The following RPL26L1 variants were observed in gnomAD, a reference collection of about 807,000 sequenced individuals.
RPL26L1 encodes ribosomal protein uL24-like.
A neutral mutation model predicts 15.2 loss-of-function variants in RPL26L1; 8 were observed. The ratio of observed to expected loss-of-function variants is 0.53; its 90% CI spans 0.31 to 0.95. The LOEUF is 0.95. RPL26L1 is among the 40% of genes least tolerant of loss of function. RPL26L1 has a pLI of 0.05. For synonymous variants in RPL26L1, 51 were observed against 65.9 expected (o/e 0.77, Z 1.09); for missense variants, 146 against 190.9 (o/e 0.76, Z 1.39).
chr5:172,960,636 T>C (rs994879191), intron 2 of RPL26L1, among the ~76,000 whole-genome samples: 2 of 152,094 alleles, frequency 1.3e-5, no homozygotes, highest in African/African-American at 4.8e-5. Context: ...AGTCACTCTT[T>C]CATAATTTCT....
At chr5:172,967,002 C>A (rs1039081695) in intron 2 of RPL26L1, among the ~76,000 whole-genome samples, 3 of 151,822 alleles carry the variant, frequency 2.0e-5, no homozygotes, top group African/African-American at 7.2e-5. Context: ...TCTACAGGCG[C>A]CCACCACCAC....
At chr5:172,962,433 G>A (rs577205577) in intron 2 of RPL26L1, among the ~76,000 whole-genome samples, 38 of 152,224 alleles carry the variant, frequency 2.5e-4, no homozygotes, top group Non-Finnish European at 4.4e-4. Context: ...GCTTGAACCC[G>A]GGAGGCGGAG....
chr5:172,968,756 TTCTTC>T (rs1035816343), intron 3 of RPL26L1, among the ~76,000 whole-genome samples, 157 bp downstream of exon 3: 8 of 151,910 alleles, frequency 5.3e-5, no homozygotes, highest in East Asian at 1.9e-4. Context: ...ATCCAGATTT[TTCTTC>T]TCTTCTCTTT....
chr5:172,954,587 AAG>A (rs776887722), upstream of RPL26L1, among the ~76,000 whole-genome samples: 1 of 151,308 alleles, frequency 6.6e-6, no homozygotes, highest in Admixed American at 6.6e-5. Context: ...AAAAGAGAGA[AAG>A]AGAGAGGGAG....
At chr5:172,958,809 CGGAGCGGCCGGAGTGGGCGG>C, upstream of RPL26L1, 1 of 47,490 alleles carries the variant, frequency 2.1e-5, no homozygotes, top group Non-Finnish European at 7.4e-5. Flanking sequence ...CAGGTGGGCG[CGGAGCGGCCGGAGTGGGCGG>C]GGACTGGATG....
chr5:172,959,541 G>A, intron 1 of RPL26L1, 73 bp downstream of exon 1: 1 of 1,128,656 alleles, frequency 8.9e-7, no homozygotes, highest in Non-Finnish European at 1.1e-6. Flanking sequence ...TGTGTCGCGG[G>A]AACACATGTC....
In RPL26L1 at chr5:172,959,910, A is replaced by G. The variant is rs1755155569; in HGVS notation, c.37A>G (p.Lys13Glu). Residue 13 changes from lysine to glutamate, a missense_variant, in exon 2 of 4, where the codon AAA becomes GAA. Lys to Glu is a moderately conservative substitution (Grantham distance 56, BLOSUM62 1). Coordinates refer to ENST00000265100, the MANE Select transcript of RPL26L1 (RefSeq NM_016093.4). The part of the protein sequence containing the change: ...FNPFVTSDRS[K>E]NRKRHFNAPS... The stretch of plus-strand genomic sequence containing the variant: ...TCCCTTCGTTACCTCGGACCGCAGT[A>G]AAAACCGCAAACGTCACTTCAATGC... The G allele has an allele frequency of 6.2e-7, 1 of 1,614,182 alleles. No individual in the cohort carries two copies. The highest frequency in any genetic ancestry group is 8.5e-7 in the Non-Finnish European group (1 of 1,180,026).
At chr5:172,965,681 C>T (rs768843661) in intron 2 of RPL26L1, among the ~76,000 whole-genome samples, 4 of 152,180 alleles carry the variant, frequency 2.6e-5, no homozygotes, top group South Asian at 2.1e-4. Context: ...ATTTCCCATT[C>T]GCTCTGGCCA....
chr5:172,957,955 G>A (rs1243017312), upstream of RPL26L1: 1 of 193,570 alleles, frequency 5.2e-6, no homozygotes, highest in Non-Finnish European at 1.1e-5. Flanking sequence ...TAACTGTGAA[G>A]GGCCCGGAAT....
At chr5:172,957,134 C>G, upstream of RPL26L1, 1 of 454,434 alleles carries the variant, frequency 2.2e-6, no homozygotes, top group Non-Finnish European at 4.4e-6. Flanking sequence ...GCCACTGCCT[C>G]GAGAAATAAA....
intron 2 of RPL26L1, among the ~76,000 whole-genome samples, chr5:172,965,366 CT>C (rs1476831493): frequency 1.3e-5 from 2 of 152,150 alleles, no homozygotes; most frequent in Non-Finnish European, 2.9e-5. Context: ...CATGTTTTCC[CT>C]TCTTTAAAAA....
At chr5:172,958,786 G>A (rs570613491), upstream of RPL26L1, 12 of 229,452 alleles carry the variant, frequency 5.2e-5, no homozygotes, top group South Asian at 6.4e-4. Flanking sequence ...GGGCAGAAGG[G>A]CCAAGAGGGC....
chr5:172,963,138 G>A (rs565899710), intron 2 of RPL26L1, among the ~76,000 whole-genome samples: 71 of 152,224 alleles, frequency 4.7e-4, no homozygotes, highest in African/African-American at 1.5e-3. Flanking sequence ...GACACTTTGG[G>A]AGGCTGAGGT....
chr5:172,965,203 A>G (rs1194824930), intron 2 of RPL26L1, among the ~76,000 whole-genome samples: 1 of 152,030 alleles, frequency 6.6e-6, no homozygotes, highest in East Asian at 1.9e-4. Context: ...AAAGAAAGAA[A>G]TATCCCTGTT....
chr5:172,958,108 T>C (rs1164879929), upstream of RPL26L1: 1 of 308,934 alleles, frequency 3.2e-6, no homozygotes, highest in South Asian at 2.6e-5. Context: ...CTACTAAAAA[T>C]ACAAAATTAG....
At chr5:172,966,313 A>ATTTTTTTTTTTTTTTTTTTTTTTT (rs386405707) in intron 2 of RPL26L1, among the ~76,000 whole-genome samples, 1 of 63,664 alleles carries the variant, frequency 1.6e-5, no homozygotes, top group Non-Finnish European at 2.7e-5. Flanking sequence ...CTGGCTAACT[A>ATTTTTTTTTTTTTTTTTTTTTTTT]TTTTTTTTTT....
chr5:172,958,099 T>C (rs1475258836), upstream of RPL26L1: 1 of 309,852 alleles, frequency 3.2e-6, no homozygotes, highest in Non-Finnish European at 6.5e-6. Context: ...ACCCCGTCTC[T>C]ACTAAAAATA....
rs1755129633 is a variant in RPL26L1 at position 172,959,459 on chromosome 5, T to C, written c.-19T>C. ...CTGCGCACTCAGGGTCTGAGGCAGCTAGTAGCCGGGTGAGTGGAGGCTGGA... is the reference window on the plus strand; with the variant it reads ...CTGCGCACTCAGGGTCTGAGGCAGCCAGTAGCCGGGTGAGTGGAGGCTGGA... On this transcript the variant is annotated 5_prime_UTR_variant, in exon 1 of 4. Coordinates refer to ENST00000265100, the MANE Select transcript of RPL26L1 (RefSeq NM_016093.4). 9.8e-7 allele frequency: 1 copy of C among 1,016,074 alleles called. No homozygotes were observed. 62.9% of individuals were successfully genotyped at this position (1,016,074 alleles called of 1,614,324 possible).
chr5:172,967,132 G>C (rs529627199), intron 2 of RPL26L1, among the ~76,000 whole-genome samples: 1 of 151,372 alleles, frequency 6.6e-6, no homozygotes, highest in Non-Finnish European at 1.5e-5. Context: ...GGGATTACAG[G>C]TGTGAACCAC....
Sources: gnomAD v4.1 joint callset for allele counts (sites outside exome capture counted in the v4.1 genomes callset) on GRCh38, gnomAD v4.1.1 for gene constraint, MANE v1.5 for transcripts, NCBI Gene and HGNC (gene_info 2026-07-23, HGNC 2026-07-21) for gene names.